Variants in SUCLG1 observed in about 807,000 individuals in gnomAD.
The protein encoded by SUCLG1 is succinate-CoA ligase GDP/ADP-forming subunit alpha.
In SUCLG1, 26 loss-of-function variants were observed where a neutral mutation model predicts 37.3. That is an observed-to-expected ratio of 0.70 (90% CI 0.51 to 0.97). The LOEUF (loss-of-function observed/expected upper bound fraction) is 0.97. Among genes scored for constraint, SUCLG1 ranks in the 50% least tolerant of loss-of-function variants. SUCLG1 has a pLI of 0.00. For missense variants in SUCLG1, 433 were observed against 432.9 expected (o/e 1.00, Z 0.00); for synonymous variants, 163 against 155.6 (o/e 1.05, Z -0.36).
chr2:84,447,300 T>C, intron 2 of SUCLG1, among the ~76,000 whole-genome samples: 1 of 31,658 alleles, frequency 3.2e-5, no homozygotes, highest in Admixed American at 5.3e-4. Context: ...TCACTTACTT[T>C]AAAAACAACA....
chr2:84,430,886 C>G (rs145244578), intron 7 of SUCLG1, among the ~76,000 whole-genome samples: 19 of 152,318 alleles, frequency 1.2e-4, no homozygotes, highest in African/African-American at 4.6e-4. Context: ...ACCCCCATCT[C>G]TCCTTTCACC....
chr2:84,444,006 G>C (rs954032636), intron 2 of SUCLG1, among the ~76,000 whole-genome samples: 1 of 152,086 alleles, frequency 6.6e-6, no homozygotes, highest in South Asian at 2.1e-4. Context: ...TCTTATGAGA[G>C]GTCATCCAGT....
chr2:84,452,592 A>T (rs1672957039), intron 1 of SUCLG1, among the ~76,000 whole-genome samples: 1 of 152,074 alleles, frequency 6.6e-6, no homozygotes, highest in African/African-American at 2.4e-5. Context: ...TATACAATAA[A>T]CACCATCACA....
rs1046394803 is a variant in SUCLG1 at position 84,423,880 on chromosome 2, C to T, written c.1015-108G>A. ...TTGAAACCTATTATCTTTAGGATCC[C>T]CTGAACAATCAAATTACAGAAGAAA... is the stretch of plus-strand genomic sequence containing the variant. On this transcript the variant is annotated intron_variant, in intron 8 of 8. Coordinates refer to ENST00000393868, the MANE Select transcript of SUCLG1 (RefSeq NM_003849.4). 2.6e-6 allele frequency: 3 copies of T among 1,164,038 alleles called. No individual in the cohort carries two copies. In the African/African-American group the frequency reaches 4.6e-5, roughly 18 times the overall value. 72.1% of individuals were successfully genotyped at this position (1,164,038 alleles called of 1,614,324 possible). A position where few individuals can be genotyped will look rare whatever the true frequency, so the allele number is the denominator to read the frequency against.
intron 3 of SUCLG1, 151 bp from the exon 4 acceptor site, chr2:84,441,610 T>C (rs908019697): frequency 2.2e-5 from 20 of 902,652 alleles, no homozygotes; most frequent in Non-Finnish European, 3.3e-5. Flanking sequence ...TTTGCTACAC[T>C]GTCAGAGTAG....
chr2:84,449,731 T>C lies in SUCLG1; in HGVS notation c.119A>G (p.His40Arg), dbSNP rs569344460. The stretch of plus-strand genomic sequence containing the variant: ...TTGCCGAGAAGCTGTGTAGGAACAA[T>C]GCCGAATTCCATTCTGCGGCACTAA... Reference protein sequence around the residue: ...SFLLPQNGIRHCSYTASRQHL... With the variant: ...SFLLPQNGIRRCSYTASRQHL... Residue 40 changes from histidine (H) to arginine (R), a missense_variant, in exon 2 of 9, where the codon CAT becomes CGT. His to Arg is a conservative substitution (Grantham distance 29). Coordinates refer to ENST00000393868, the MANE Select transcript of SUCLG1 (RefSeq NM_003849.4). 104 of 1,538,814 alleles carry C rather than the reference T, an allele frequency of 6.8e-5. 2 individuals are homozygous for C. The South Asian group carries it at 1.2e-3, about 17-fold the overall frequency.
chr2:84,429,034 G>A (rs563071068), intron 7 of SUCLG1, among the ~76,000 whole-genome samples: 2 of 152,288 alleles, frequency 1.3e-5, no homozygotes, highest in Admixed American at 6.5e-5. Context: ...ACACCAGAAC[G>A]TTTGCAAATA....
chr2:84,448,632 T>C (rs1371401779), intron 2 of SUCLG1, among the ~76,000 whole-genome samples: 1 of 151,996 alleles, frequency 6.6e-6, no homozygotes, highest in Non-Finnish European at 1.5e-5. Context: ...CTAATTGATT[T>C]GATAGTATTC....
intron 6 of SUCLG1, chr2:84,433,087 A>C: frequency 1.9e-6 from 1 of 525,604 alleles, no homozygotes; most frequent in Admixed American, 3.2e-5. Flanking sequence ...AATCAAACCA[A>C]GTGATGTTTT....
At chr2:84,454,669 A>T (rs1054727686) in intron 1 of SUCLG1, among the ~76,000 whole-genome samples, 8 of 152,228 alleles carry the variant, frequency 5.3e-5, no homozygotes, top group Non-Finnish European at 1.0e-4. Flanking sequence ...AAAGACAATG[A>T]AGGAAAGAGG....
chr2:84,427,167 G>C (rs942272660), intron 7 of SUCLG1, among the ~76,000 whole-genome samples: 1 of 152,148 alleles, frequency 6.6e-6, no homozygotes. Flanking sequence ...TGTTATTTAA[G>C]CTGAAGTATA....
At chr2:84,432,396 T>G (rs939529151) in intron 6 of SUCLG1, 1 of 152,324 alleles carries the variant, frequency 6.6e-6, no homozygotes, top group African/African-American at 2.4e-5. Flanking sequence ...ATTTATTAAG[T>G]GCCAACCGTG....
In SUCLG1 at chr2:84,451,136, G is replaced by A. The variant is rs116888555; in HGVS notation, c.98-1384C>T. Among the ~76,000 whole-genome samples, 36 of 152,160 alleles carry A rather than the reference G, an allele frequency of 2.4e-4. No individual in the cohort carries two copies. The East Asian group carries it at 6.6e-3, about 28-fold the overall frequency. On this transcript the variant is annotated intron_variant, in intron 1 of 8. Coordinates refer to ENST00000393868, the MANE Select transcript of SUCLG1 (RefSeq NM_003849.4). ...AGTGCTGCATTCGAGACCCATTCTTGCCCTTGGCTTCCACTTCTCCCAGCT... is the reference window on the plus strand; with the variant it reads ...AGTGCTGCATTCGAGACCCATTCTTACCCTTGGCTTCCACTTCTCCCAGCT...
In SUCLG1 at chr2:84,433,161, A is replaced by C. The variant is rs1412587883; in HGVS notation, c.673+191T>G. 2.6e-5 allele frequency: 17 copies of C among 643,972 alleles called. No homozygotes were observed. The Admixed American group carries it at 4.0e-4, about 15-fold the overall frequency. The allele number at this position is 643,972 out of a possible 1,614,324, so 39.9% of individuals were successfully genotyped here. On this transcript the variant is annotated intron_variant, in intron 6 of 8. Coordinates refer to ENST00000393868, the MANE Select transcript of SUCLG1 (RefSeq NM_003849.4). ...TGTTAGTTCTTCAACCTAGAAATGAAATCTTGGACCATGAATCTTGAAACA... is the reference window on the plus strand; with the variant it reads ...TGTTAGTTCTTCAACCTAGAAATGACATCTTGGACCATGAATCTTGAAACA...
At chr2:84,444,631 A>T (rs1232440079) in intron 2 of SUCLG1, among the ~76,000 whole-genome samples, 1 of 152,170 alleles carries the variant, frequency 6.6e-6, no homozygotes, top group Non-Finnish European at 1.5e-5. Flanking sequence ...TTGAGAGCAG[A>T]CAACCGGTCT....
chr2:84,444,245 C>T (rs190118302), intron 2 of SUCLG1, among the ~76,000 whole-genome samples: 7 of 152,246 alleles, frequency 4.6e-5, no homozygotes, highest in East Asian at 3.9e-4. Context: ...AATTCACCCC[C>T]GATATTTCAC....
intron 5 of SUCLG1, among the ~76,000 whole-genome samples, chr2:84,438,067 A>G (rs1242811575): frequency 6.6e-6 from 1 of 152,222 alleles, no homozygotes; most frequent in East Asian, 1.9e-4. Context: ...AGGGGGTGGA[A>G]GCAGGAGGCA....
intron 5 of SUCLG1, among the ~76,000 whole-genome samples, chr2:84,435,900 A>T (rs925194303): frequency 3.9e-5 from 6 of 152,188 alleles, no homozygotes; most frequent in African/African-American, 1.4e-4. Flanking sequence ...GTTTTCCAGG[A>T]GGTCAGCCAG....
At chr2:84,448,970 A>G (rs1201858177) in intron 2 of SUCLG1, 3 of 406,478 alleles carry the variant, frequency 7.4e-6, no homozygotes, top group Non-Finnish European at 1.5e-5. Flanking sequence ...AAGGTAGGAA[A>G]AAGGAAAGAA....
Sources: allele counts gnomAD v4.1 joint callset (sites outside exome capture counted in the v4.1 genomes callset), GRCh38; gene constraint gnomAD v4.1.1; transcripts MANE v1.5; gene names NCBI Gene and HGNC (gene_info 2026-07-23, HGNC 2026-07-21).